Variants in CCDC40 observed in about 807,000 individuals in gnomAD.
CCDC40 encodes coiled-coil domain-containing protein 40.
Under a neutral mutation model 124.5 loss-of-function variants are expected in CCDC40, and 104 were observed. The ratio of observed to expected loss-of-function variants is 0.84; its 90% confidence interval spans 0.71 to 0.98. The LOEUF (loss-of-function observed/expected upper bound fraction) is 0.98, where lower values mean the gene tolerates loss of function less well. CCDC40 is among the 50% of genes least tolerant of loss of function. The probability of loss-of-function intolerance (pLI) is 0.00; values close to 1 mark genes in which losing one functional copy is unlikely to be tolerated. For missense variants in CCDC40, 1,463 were observed against 1,503.9 expected (o/e 0.97, Z 0.45); for synonymous variants, 580 against 602.9 (o/e 0.96, Z 0.56).
rs540073098 is a variant in CCDC40 at position 80,088,950 on chromosome 17, G to A, written c.2712-814G>A. Among the ~76,000 whole-genome samples, 7 of 152,306 alleles carry A rather than the reference G, an allele frequency of 4.6e-5. No individual in the cohort carries two copies. The South Asian group carries it at 1.2e-3, about 27-fold the overall frequency. ...CTAGAAATTGAAGGGTTTCCTTTGT[G>A]ATAAAGTTTTTAAGTATCCATTATT... is the stretch of plus-strand genomic sequence containing the variant. On this transcript the variant is annotated intron_variant, in intron 16 of 19. Transcript: ENST00000397545.
chr17:80,088,547 C>G (rs927454982), intron 16 of CCDC40, among the ~76,000 whole-genome samples: 19 of 152,256 alleles, frequency 1.2e-4, no homozygotes, highest in African/African-American at 4.6e-4. Context: ...CCACCGTGCC[C>G]AGCAATCCCA....
intron 5 of CCDC40, among the ~76,000 whole-genome samples, chr17:80,049,409 CAAAAAAAAA>C (rs34096428): frequency 9.7e-5 from 11 of 112,830 alleles, no homozygotes; most frequent in Non-Finnish European, 1.6e-4. Flanking sequence ...AACTCTGTCT[CAAAAAAAAA>C]AAAAAAAAAA....
chr17:80,037,244 C>G (rs1356292114), intron 1 of CCDC40, among the ~76,000 whole-genome samples: 1 of 152,184 alleles, frequency 6.6e-6, no homozygotes, highest in African/African-American at 2.4e-5. Context: ...GGTCACCGTC[C>G]TGGGGCCTGG....
intron 17 of CCDC40, among the ~76,000 whole-genome samples, chr17:80,091,328 CACACACACACACACAG>C (rs1452329902): frequency 1.1e-5 from 1 of 91,506 alleles, no homozygotes; most frequent in African/African-American, 5.3e-5. Flanking sequence ...CACACACACA[CACACACACACACACAG>C]AGAGAGAGAG....
At chr17:80,053,289 A>G (rs2037653889) in intron 7 of CCDC40, among the ~76,000 whole-genome samples, 2 of 152,214 alleles carry the variant, frequency 1.3e-5, no homozygotes, top group Non-Finnish European at 2.9e-5. Flanking sequence ...GCAGGCTTCC[A>G]GGCGGGAAAA....
chr17:80,052,945 C>T (rs1303396918), intron 7 of CCDC40, among the ~76,000 whole-genome samples: 2 of 152,126 alleles, frequency 1.3e-5, no homozygotes, highest in Admixed American at 6.6e-5. Context: ...ACTAACTAGA[C>T]AAATGAATGC....
chr17:80,048,790 T>G, intron 5 of CCDC40, 29 bp downstream of exon 5: 1 of 1,578,354 alleles, frequency 6.3e-7, no homozygotes. Context: ...GTTTTGCTTT[T>G]GCCTACATGG....
rs949831622 is a variant in CCDC40 at position 80,064,329 on chromosome 17, G to A, written c.1441-1156G>A. 3.9e-5 allele frequency among the ~76,000 whole-genome samples: 6 copies of A among 152,140 alleles called. No homozygotes were observed. The East Asian group carries it at 5.8e-4, about 15-fold the overall frequency. Reference sequence around the variant, plus strand: ...CGTGCAGGCACTTCTGGGACTTGGCGTTCTACAGGACGCCCCAGTTGGCTG... The same window carrying A: ...CGTGCAGGCACTTCTGGGACTTGGCATTCTACAGGACGCCCCAGTTGGCTG... On this transcript the variant is annotated intron_variant, in intron 9 of 19. Transcript: ENST00000397545.
intron 10 of CCDC40, 135 bp downstream of exon 10, chr17:80,065,741 TC>T: frequency 1.6e-6 from 2 of 1,216,494 alleles, no homozygotes; most frequent in East Asian, 4.9e-5. Flanking sequence ...GGTCCGGGCT[TC>T]CGTCCGGAAA....
At chr17:80,076,624 A>ACCACCACCCTCATCAGTCAGCAG (rs528401311) in intron 10 of CCDC40, among the ~76,000 whole-genome samples, 4,601 of 151,332 alleles carry the variant, frequency 0.03, 251 homozygotes, top group African/African-American at 0.1. Flanking sequence ...GCCTTCAGCA[A>ACCACCACCCTCATCAGTCAGCAG]CCACCACCCT....
At chr17:80,068,439 C>G (rs959862515) in intron 10 of CCDC40, among the ~76,000 whole-genome samples, 1 of 152,164 alleles carries the variant, frequency 6.6e-6, no homozygotes, top group African/African-American at 2.4e-5. Context: ...AACTTGGAGA[C>G]AGGTTTAATA....
At chr17:80,091,764 T>C (rs1158922483) in intron 17 of CCDC40, among the ~76,000 whole-genome samples, 1 of 152,094 alleles carries the variant, frequency 6.6e-6, no homozygotes, top group African/African-American at 2.4e-5. Context: ...CATCCTTCCT[T>C]ACTGGTTCTT....
chr17:80,038,197 C>T lies in CCDC40; in HGVS notation c.93+11C>T. 3 of 1,559,898 alleles carry T rather than the reference C, an allele frequency of 1.9e-6. No individual in the cohort carries two copies. Among genetic ancestry groups the T allele is most frequent in the Non-Finnish European group, 2.7e-6 (3 of 1,131,970 alleles). ...AATGAAAGCCACATGGTAAAATTCC[C>T]TATGGGCAGTTATTCCGGGCTTATA... On this transcript the variant is annotated intron_variant, in intron 2 of 19. Coordinates refer to ENST00000397545, the MANE Select transcript of CCDC40 (RefSeq NM_017950.4).
At chr17:80,085,821 C>T (rs757222932) in intron 13 of CCDC40, among the ~76,000 whole-genome samples, 182 bp from the exon 14 acceptor site, 9 of 152,006 alleles carry the variant, frequency 5.9e-5, no homozygotes, top group South Asian at 2.1e-4. Context: ...AGGTGTGCAC[C>T]AGCACACCTG....
Position 80,055,018 on chromosome 17 carries a change from TA to T in CCDC40, c.1160-3466del, listed in dbSNP as rs370796612. 7.4e-3 allele frequency among the ~76,000 whole-genome samples: 1,063 copies of T among 142,908 alleles called. 8 individuals carry two copies. The highest frequency in any genetic ancestry group is 0.025 in the African/African-American group (990 of 39,028). The allele number at this position is 142,908 out of a possible 152,430, so 93.8% of individuals were successfully genotyped here. On this transcript the variant is annotated intron_variant, in intron 7 of 19. Transcript: ENST00000397545. Reference sequence around the variant, plus strand: ...AATCAAATAAAACAAAATACAAGGATAAAAAAAAAAGGCTTCCTGGGTGGGT... The same window carrying T: ...AATCAAATAAAACAAAATACAAGGATAAAAAAAAAGGCTTCCTGGGTGGGT...
At chr17:80,085,437 C>G (rs1285126782) in intron 13 of CCDC40, among the ~76,000 whole-genome samples, 2 of 152,208 alleles carry the variant, frequency 1.3e-5, no homozygotes, top group Non-Finnish European at 2.9e-5. Flanking sequence ...TCTCAAAGCC[C>G]CTTTGGGTTC....
In CCDC40 at chr17:80,056,016, A is replaced by ATATATATTTTTTTTTTTT; in HGVS notation, c.1160-2477_1160-2476insATATATTTTTTTTTTTTT. The stretch of plus-strand genomic sequence containing the variant: ...TATATATATATATATATATATATAT[A>ATATATATTTTTTTTTTTT]TTTTTTTTTTTTTTTGGTAGAAACA... On this transcript the variant is annotated intron_variant, in intron 7 of 19. Coordinates refer to ENST00000397545, the MANE Select transcript of CCDC40 (RefSeq NM_017950.4). Among the ~76,000 whole-genome samples, 11 of 10,242 alleles carry ATATATATTTTTTTTTTTT rather than the reference A, an allele frequency of 1.1e-3. 1 individual carries two copies. The highest frequency in any genetic ancestry group is 6.0e-3 in the Admixed American group (2 of 332). The allele number at this position is 10,242 out of a possible 152,430, so 6.7% of individuals were successfully genotyped here.
intron 1 of CCDC40, 183 bp from the exon 2 acceptor site, chr17:80,037,940 G>A (rs949261523): frequency 4.3e-5 from 24 of 561,946 alleles, no homozygotes; most frequent in Non-Finnish European, 7.3e-5. Context: ...TGGCATCTCC[G>A]CCACCTGACA....
Position 80,047,374 on chromosome 17 carries a change from C to A in CCDC40, c.648C>A (p.Asp216Glu). Residue 216 changes from aspartate to glutamate, a missense_variant, in exon 4 of 20, where the codon GAC (aspartate) becomes GAA (glutamate). Transcript: ENST00000397545. Reference protein sequence around the residue: ...LSHGSDIESSDLEEFVSQEPV... With the variant: ...LSHGSDIESSELEEFVSQEPV... ...ACGGGAGCGACATCGAGTCCTCAGACCTGGAGGAGTTCGTCTCGCAGGAGC... is the reference window on the plus strand; with the variant it reads ...ACGGGAGCGACATCGAGTCCTCAGAACTGGAGGAGTTCGTCTCGCAGGAGC... 5 of 1,613,526 alleles carry A rather than the reference C, an allele frequency of 3.1e-6. No individual in the cohort carries two copies. Among genetic ancestry groups the A allele is most frequent in the East Asian group, 2.2e-5 (1 of 44,870 alleles).
Sources: allele counts gnomAD v4.1 joint callset (sites outside exome capture counted in the v4.1 genomes callset), GRCh38; gene constraint gnomAD v4.1.1; transcripts MANE v1.5; gene names NCBI Gene and HGNC (gene_info 2026-07-23, HGNC 2026-07-21).